The following SLC24A3 variants were observed in gnomAD, a reference collection of about 807,000 sequenced individuals.
SLC24A3 encodes the protein sodium/potassium/calcium exchanger 3.
Under a neutral mutation model 75.8 loss-of-function variants are expected in SLC24A3, and 28 were observed. That is an observed-to-expected ratio of 0.37 (90% CI 0.27 to 0.51). The LOEUF (loss-of-function observed/expected upper bound fraction) is 0.51. Ranked by LOEUF, SLC24A3 falls within the 20% of genes least tolerant of loss-of-function variation. The probability of loss-of-function intolerance (pLI) is 0.94; values close to 1 mark genes in which losing one functional copy is unlikely to be tolerated. For missense variants in SLC24A3, 663 were observed against 847.8 expected (o/e 0.78, Z 2.71); for synonymous variants, 372 against 334.1 (o/e 1.11, Z -1.24).
Position 19,540,558 on chromosome 20 carries a change from A to G in SLC24A3, c.348+24994A>G, listed in dbSNP as rs146414929. On this transcript the variant is annotated intron_variant, in intron 3 of 16. Transcript: ENST00000328041. Reference sequence around the variant, plus strand: ...CCAGTAACACCCACTCCCCTGCATCATAAGTTCCAAACAGTGTGTGAGGGA... The same window carrying G: ...CCAGTAACACCCACTCCCCTGCATCGTAAGTTCCAAACAGTGTGTGAGGGA... 1.8e-4 allele frequency among the ~76,000 whole-genome samples: 27 copies of G among 152,336 alleles called. No homozygotes were observed. In the East Asian group the frequency reaches 4.8e-3, roughly 27 times the overall value.
chr20:19,539,374 G>C (rs969028771), intron 3 of SLC24A3, among the ~76,000 whole-genome samples: 1 of 152,132 alleles, frequency 6.6e-6, no homozygotes, highest in Non-Finnish European at 1.5e-5. Flanking sequence ...TGGGGGCAGG[G>C]TTCCTTCACA....
intron 6 of SLC24A3, among the ~76,000 whole-genome samples, chr20:19,587,562 G>A (rs140982842): frequency 6.6e-6 from 1 of 152,304 alleles, no homozygotes; most frequent in African/African-American, 2.4e-5. Flanking sequence ...TTCCTGTCAT[G>A]TGCCAAACTG....
At chr20:19,682,426 A>G (rs1210486195) in intron 10 of SLC24A3, among the ~76,000 whole-genome samples, 1 of 151,876 alleles carries the variant, frequency 6.6e-6, no homozygotes, top group South Asian at 2.1e-4. Context: ...CAGTCCTCCA[A>G]CCCTCCCTTT....
intron 2 of SLC24A3, among the ~76,000 whole-genome samples, chr20:19,485,266 G>A (rs1213340892): frequency 6.6e-6 from 1 of 152,198 alleles, no homozygotes; most frequent in Non-Finnish European, 1.5e-5. Flanking sequence ...CAGCCTCGTT[G>A]TCTGTCATGG....
At chr20:19,422,266 G>A (rs1237933525) in intron 2 of SLC24A3, among the ~76,000 whole-genome samples, 2 of 152,162 alleles carry the variant, frequency 1.3e-5, no homozygotes, top group African/African-American at 2.4e-5. Context: ...TGTAGCCTCC[G>A]CACTAAACAG....
At chr20:19,332,269 C>T (rs1054486456) in intron 2 of SLC24A3, among the ~76,000 whole-genome samples, 1 of 152,080 alleles carries the variant, frequency 6.6e-6, no homozygotes, top group Non-Finnish European at 1.5e-5. Context: ...TGAGCAGGAA[C>T]AGAAGCCAGT....
intron 2 of SLC24A3, among the ~76,000 whole-genome samples, chr20:19,376,569 A>G (rs942981742): frequency 2.6e-5 from 4 of 152,118 alleles, no homozygotes; most frequent in African/African-American, 4.8e-5. Context: ...TGAGCCAGCC[A>G]AGGGAAAAGG....
chr20:19,402,104 CA>C (rs1986561883), intron 2 of SLC24A3, among the ~76,000 whole-genome samples: 1 of 152,094 alleles, frequency 6.6e-6, no homozygotes, highest in Non-Finnish European at 1.5e-5. Flanking sequence ...GAAGAAACAA[CA>C]AAGGCAGAAA....
chr20:19,714,552 T>G (rs940935914), intron 15 of SLC24A3, among the ~76,000 whole-genome samples: 2 of 151,504 alleles, frequency 1.3e-5, no homozygotes, highest in Non-Finnish European at 2.9e-5. Flanking sequence ...CACATCCTGG[T>G]GGAAGTACAA....
At chr20:19,532,037 A>G (rs1360217365) in intron 3 of SLC24A3, among the ~76,000 whole-genome samples, 2 of 152,214 alleles carry the variant, frequency 1.3e-5, no homozygotes, top group Non-Finnish European at 2.9e-5. Context: ...ACTCCAGGCT[A>G]TGGGGCTCCA....
chr20:19,472,874 C>T (rs1263998811), intron 2 of SLC24A3, among the ~76,000 whole-genome samples: 1 of 152,214 alleles, frequency 6.6e-6, no homozygotes, highest in Non-Finnish European at 1.5e-5. Context: ...AGCAGGGTTC[C>T]CCTGCGGCTG....
chr20:19,381,193 T>C (rs1488937666), intron 2 of SLC24A3, among the ~76,000 whole-genome samples: 1 of 152,226 alleles, frequency 6.6e-6, no homozygotes, highest in East Asian at 1.9e-4. Context: ...TCAGTGAATG[T>C]TTATTGAACA....
chr20:19,685,241 G>A lies in SLC24A3; in HGVS notation c.1204G>A (p.Asp402Asn), dbSNP rs996981814. 7 of 1,614,132 alleles carry A rather than the reference G, an allele frequency of 4.3e-6. No individual in the cohort carries two copies. Among genetic ancestry groups the A allele is most frequent in the East Asian group, 4.5e-5 (2 of 44,866 alleles). The change falls in exon 12 of 17, where the codon GAT becomes AAT. Residue 402 changes from aspartate (D) to asparagine (N), a missense_variant. Asp to Asn is a conservative substitution (Grantham distance 23). Around this residue, in one of 2 missense-constraint regions of SLC24A3, gnomAD observed 510 missense variants for 703.6 expected, o/e 0.72. Transcript: ENST00000328041. ...DRGVNGTRRD[D>N]VVAEAGNETE... ...GGGCGTGAATGGGACACGGAGGGAC[G>A]ATGTTGTGGCTGAGGCTGGCAACGA... is the stretch of plus-strand genomic sequence containing the variant.
intron 2 of SLC24A3, among the ~76,000 whole-genome samples, chr20:19,380,720 G>A (rs1365244325): frequency 6.6e-6 from 1 of 152,268 alleles, no homozygotes; most frequent in South Asian, 2.1e-4. Context: ...TGGAGTGAGA[G>A]GGGGTACCAT....
intron 2 of SLC24A3, among the ~76,000 whole-genome samples, chr20:19,353,386 T>TA (rs562168984): frequency 3.5e-4 from 53 of 151,478 alleles, no homozygotes; most frequent in African/African-American, 8.0e-4. Context: ...CATAGCTATT[T>TA]AAAAAAAAAT....
At chr20:19,457,980 C>A (rs1019076239) in intron 2 of SLC24A3, among the ~76,000 whole-genome samples, 1 of 152,144 alleles carries the variant, frequency 6.6e-6, no homozygotes, top group Admixed American at 6.5e-5. Flanking sequence ...AATTCCTTCC[C>A]CACCTTTTTC....
chr20:19,245,569 A>G lies in SLC24A3; in HGVS notation c.142+32585A>G, dbSNP rs1200691331. Among the ~76,000 whole-genome samples the G allele has an allele frequency of 5.9e-5, 9 of 152,208 alleles. 1 individual carries two copies. ...ATTTATGGAGAATTACTAAGATAAT[A>G]CATTCACAACACAAAGGCACAAATG... is the stretch of plus-strand genomic sequence containing the variant. On this transcript the variant is annotated intron_variant, in intron 1 of 16. Transcript: ENST00000328041.
chr20:19,652,389 T>A (rs1460907419), intron 6 of SLC24A3, among the ~76,000 whole-genome samples: 1 of 152,264 alleles, frequency 6.6e-6, no homozygotes, highest in African/African-American at 2.4e-5. Flanking sequence ...CAACCTTTTA[T>A]GACCTGCTGG....
At chr20:19,629,157 A>G (rs2122684672) in intron 6 of SLC24A3, among the ~76,000 whole-genome samples, 1 of 152,280 alleles carries the variant, frequency 6.6e-6, no homozygotes, top group Non-Finnish European at 1.5e-5. Flanking sequence ...AGACAACTAA[A>G]TGAAATCAGG....
Sources: allele counts gnomAD v4.1 joint callset (sites outside exome capture counted in the v4.1 genomes callset), GRCh38; gene constraint gnomAD v4.1.1; regional missense constraint gnomAD v4.1.1; transcripts MANE v1.5; gene names NCBI Gene and HGNC (gene_info 2026-07-23, HGNC 2026-07-21).